LRRC8C: variants seen among roughly 807,000 people sequenced by gnomAD.
LRRC8C encodes volume-regulated anion channel subunit LRRC8C.
In LRRC8C, 20 loss-of-function variants were observed where a neutral mutation model predicts 55.3. The observed-to-expected ratio is 0.36, with a 90% CI of 0.25 to 0.53. LRRC8C has a LOEUF of 0.53. LRRC8C is among the 20% of genes least tolerant of loss of function. The pLI, the probability that LRRC8C is intolerant of heterozygous loss-of-function variation, is 0.92. For synonymous variants in LRRC8C, 376 were observed against 360.7 expected (o/e 1.04, Z -0.48); for missense variants, 659 against 951.4 (o/e 0.69, Z 4.04).
chr1:89,634,331 C>T (rs6677563), intron 1 of LRRC8C, among the ~76,000 whole-genome samples: 2,218 of 152,266 alleles, frequency 0.015, 24 homozygotes, highest in Non-Finnish European at 0.025. Context: ...GTTGGAGTGC[C>T]GGTGTTTGGC....
In LRRC8C at chr1:89,705,330, G is replaced by A. The variant is rs144737421; in HGVS notation, c.139-7379G>A. Among the ~76,000 whole-genome samples, 1,209 of 150,634 alleles carry A rather than the reference G, an allele frequency of 8.0e-3. 26 individuals are homozygous for A. The highest frequency in any genetic ancestry group is 0.027 in the African/African-American group (1,110 of 40,896). Reference sequence around the variant, plus strand: ...AGAGATATACCTAATACTAGATGACGAGTTAGTGGGTGCAGCGCACCAGCA... The same window carrying A: ...AGAGATATACCTAATACTAGATGACAAGTTAGTGGGTGCAGCGCACCAGCA... On this transcript the variant is annotated intron_variant, in intron 2 of 2. Coordinates refer to ENST00000370454, the MANE Select transcript of LRRC8C (RefSeq NM_032270.5).
chr1:89,650,045 T>C (rs1286850766), intron 1 of LRRC8C, among the ~76,000 whole-genome samples: 4 of 152,170 alleles, frequency 2.6e-5, no homozygotes, highest in Non-Finnish European at 4.4e-5. Flanking sequence ...TGACCAAAAA[T>C]ATAGAACACT....
At chr1:89,657,145 T>G (rs1656967051) in intron 1 of LRRC8C, among the ~76,000 whole-genome samples, 1 of 152,220 alleles carries the variant, frequency 6.6e-6, no homozygotes, top group African/African-American at 2.4e-5. Context: ...ATGACTAAAC[T>G]TAGAATTCTG....
At chr1:89,660,721 C>T (rs1212275141) in intron 1 of LRRC8C, among the ~76,000 whole-genome samples, 2 of 152,198 alleles carry the variant, frequency 1.3e-5, no homozygotes, top group Non-Finnish European at 2.9e-5. Context: ...CCTAGTGGAG[C>T]AAAAGAACCT....
Position 89,715,188 on chromosome 1 carries a change from A to G in LRRC8C, c.*206A>G, listed in dbSNP as rs891035350. ...GAAGTTTTATTTGTCTTGAAACACA[A>G]TGTATCTATTATCTACTGACAGAAA... On this transcript the variant is annotated 3_prime_UTR_variant, in exon 3 of 3. Coordinates refer to ENST00000370454, the MANE Select transcript of LRRC8C (RefSeq NM_032270.5). 19 of 357,338 alleles carry G rather than the reference A, an allele frequency of 5.3e-5. No homozygotes were observed. Among genetic ancestry groups the G allele is most frequent in the East Asian group, 1.7e-4 (4 of 22,888 alleles). 22.1% of individuals were successfully genotyped at this position (357,338 alleles called of 1,614,324 possible). A position where few individuals can be genotyped will look rare whatever the true frequency, so the allele number is the denominator to read the frequency against.
chr1:89,664,782 A>G (rs1311038324), intron 1 of LRRC8C, among the ~76,000 whole-genome samples: 1 of 152,176 alleles, frequency 6.6e-6, no homozygotes, highest in African/African-American at 2.4e-5. Context: ...TGAGCATGGA[A>G]TGTTTTTCCA....
chr1:89,684,045 A>C (rs1222480062), intron 1 of LRRC8C, among the ~76,000 whole-genome samples: 1 of 152,126 alleles, frequency 6.6e-6, no homozygotes, highest in Admixed American at 6.5e-5. Flanking sequence ...TTTCATAATG[A>C]TGTATCTTGA....
chr1:89,701,679 C>G (rs1658330074), intron 2 of LRRC8C, among the ~76,000 whole-genome samples: 1 of 152,028 alleles, frequency 6.6e-6, no homozygotes, highest in South Asian at 2.1e-4. Context: ...TTTGTCTCGA[C>G]TAATTTTTGT....
intron 1 of LRRC8C, among the ~76,000 whole-genome samples, chr1:89,644,882 T>C (rs1170217991): frequency 6.6e-6 from 1 of 152,206 alleles, no homozygotes; most frequent in Non-Finnish European, 1.5e-5. Context: ...GAAGACAGTT[T>C]AGTTTCAGTA....
chr1:89,714,214 T>C lies in LRRC8C; in HGVS notation c.1644T>C (p.Ser548=). The part of the protein sequence containing the change: ...LRDLKSLKIL[S]IKSNVSKIPQ... ...ATCTCAAAAGCCTTAAAATTCTCTC[T>C]ATCAAAAGCAACGTTTCCAAAATCC... Residue 548 remains serine, a synonymous_variant, in exon 3 of 3, where the codon TCT becomes TCC. Transcript: ENST00000370454. This position sits in a 1 kb window ranked among gnomAD's most constrained non-coding sequence, Gnocchi z 4.6. 6.2e-7 allele frequency: 1 copy of C among 1,614,138 alleles called. No individual in the cohort carries two copies. The highest frequency in any genetic ancestry group is 8.5e-7 in the Non-Finnish European group (1 of 1,180,020).
At chr1:89,640,655 T>C (rs1436094189) in intron 1 of LRRC8C, among the ~76,000 whole-genome samples, 1 of 152,218 alleles carries the variant, frequency 6.6e-6, no homozygotes, top group Non-Finnish European at 1.5e-5. Context: ...CACATAACTT[T>C]CTAGTTAGTG....
At chr1:89,690,368 C>T (rs1483515456) in intron 2 of LRRC8C, among the ~76,000 whole-genome samples, 1 of 151,990 alleles carries the variant, frequency 6.6e-6, no homozygotes, top group Non-Finnish European at 1.5e-5. Context: ...GCAGGGGTCT[C>T]AAGGAGAAGG....
intron 1 of LRRC8C, among the ~76,000 whole-genome samples, chr1:89,643,735 G>A (rs1656535259): frequency 6.6e-6 from 1 of 152,108 alleles, no homozygotes; most frequent in South Asian, 2.1e-4. Flanking sequence ...ATTTCATACA[G>A]GATGTTTTCC....
chr1:89,704,520 T>C (rs959434010), intron 2 of LRRC8C, among the ~76,000 whole-genome samples: 1 of 152,158 alleles, frequency 6.6e-6, no homozygotes, highest in Non-Finnish European at 1.5e-5. Flanking sequence ...TATTTGTTTA[T>C]GTATTATATA....
At chr1:89,709,918 AT>A (rs1263723848) in intron 2 of LRRC8C, among the ~76,000 whole-genome samples, 1 of 151,640 alleles carries the variant, frequency 6.6e-6, no homozygotes, top group Non-Finnish European at 1.5e-5. Flanking sequence ...CGCCCGGCTA[AT>A]TTTTTGTGTT....
intron 1 of LRRC8C, among the ~76,000 whole-genome samples, chr1:89,655,636 A>G (rs1196179948): frequency 6.6e-6 from 1 of 152,248 alleles, no homozygotes; most frequent in Non-Finnish European, 1.5e-5. Flanking sequence ...ATCATATGGC[A>G]GAAGCCATCA....
At chr1:89,665,871 G>T (rs779702568) in intron 1 of LRRC8C, among the ~76,000 whole-genome samples, 14 of 152,242 alleles carry the variant, frequency 9.2e-5, no homozygotes, top group Middle Eastern at 3.4e-3. Flanking sequence ...CTATACAGGT[G>T]TACTATTTTT....
chr1:89,626,145 C>T, the LRRC8C span: 3 of 152,256 alleles, frequency 2.0e-5, no homozygotes, highest in African/African-American at 7.2e-5. Flanking sequence ...TAAAAGCAAG[C>T]AACTATTCCT....
intron 2 of LRRC8C, among the ~76,000 whole-genome samples, chr1:89,702,451 G>A (rs1264072790): frequency 1.3e-5 from 2 of 152,078 alleles, no homozygotes; most frequent in East Asian, 3.9e-4. Flanking sequence ...TTAAAAAGTA[G>A]GGGCCGGGTA....
Sources: gnomAD v4.1 joint callset for allele counts (sites outside exome capture counted in the v4.1 genomes callset) on GRCh38, gnomAD v4.1.1 for gene constraint, Gnocchi (gnomAD v3.1) non-coding constraint, MANE v1.5 for transcripts, NCBI Gene and HGNC (gene_info 2026-07-23, HGNC 2026-07-21) for gene names.